The following USP15 variants were observed in gnomAD, a reference collection of about 807,000 sequenced individuals.
USP15 encodes ubiquitin specific peptidase 15, also known as ubiquitin carboxyl-terminal hydrolase 15.
Under a neutral mutation model 127.1 loss-of-function variants are expected in USP15, and 18 were observed. That is an observed-to-expected ratio of 0.14 (90% confidence interval 0.10 to 0.21). The LOEUF is 0.21. Among genes scored for constraint, USP15 ranks in the 10% least tolerant of loss-of-function variants. The pLI, the probability that USP15 is intolerant of heterozygous loss-of-function variation, is 1.00. For synonymous variants in USP15, 364 were observed against 393.7 expected (o/e 0.92, Z 0.89); for missense variants, 805 against 1,159.9 (o/e 0.69, Z 4.44).
intron 1 of USP15, among the ~76,000 whole-genome samples, chr12:62,272,698 G>C (rs1263873982): frequency 6.6e-6 from 1 of 151,930 alleles, no homozygotes; most frequent in Non-Finnish European, 1.5e-5. Context: ...CATTTGAACA[G>C]TGTCTTAAAA....
chr12:62,358,633 T>C (rs553704633), intron 8 of USP15, among the ~76,000 whole-genome samples: 17 of 152,166 alleles, frequency 1.1e-4, no homozygotes, highest in African/African-American at 3.9e-4. Context: ...GGAGAATCGC[T>C]TGAACCCGGG....
chr12:62,346,594 C>T (rs967289860), intron 6 of USP15, among the ~76,000 whole-genome samples: 2 of 152,182 alleles, frequency 1.3e-5, no homozygotes, highest in African/African-American at 4.8e-5. Context: ...CTTAACTCCA[C>T]CCCTTATTAA....
Position 62,279,118 on chromosome 12 carries a change from A to C in USP15, c.90-15061A>C, listed in dbSNP as rs2063577100. On this transcript the variant is annotated intron_variant, in intron 1 of 21. Transcript: ENST00000280377. ...ACAATAGACTTACTCATTTTGCATA[A>C]CTGAAACTTTATACCCACTGAATAT... The C allele has an allele frequency of 2.0e-5, 3 of 152,262 alleles. No homozygotes were observed. In the South Asian group the frequency reaches 6.2e-4, roughly 32 times the overall value. The allele number at this position is 152,262 out of a possible 1,614,324, so 9.4% of individuals were successfully genotyped here.
intron 1 of USP15, among the ~76,000 whole-genome samples, chr12:62,279,630 C>T (rs189607947): frequency 6.6e-6 from 1 of 152,140 alleles, no homozygotes; most frequent in Non-Finnish European, 1.5e-5. Context: ...CCAACAGTTA[C>T]CTTTTGTTTT....
intron 6 of USP15, chr12:62,336,489 AC>A: frequency 1.0e-6 from 1 of 985,190 alleles, no homozygotes; most frequent in Non-Finnish European, 1.2e-6. Context: ...TTCAAACAGT[AC>A]CCCTTTACAT....
intron 8 of USP15, among the ~76,000 whole-genome samples, chr12:62,362,609 C>A (rs528035934): frequency 6.6e-6 from 1 of 152,164 alleles, no homozygotes; most frequent in South Asian, 2.1e-4. Context: ...GATTATCAAG[C>A]TGGGTAATTT....
chr12:62,410,307 A>T lies in USP15; in HGVS notation c.*5932A>T, dbSNP rs891160247. On this transcript the variant is annotated 3_prime_UTR_variant, in exon 22 of 22. Coordinates refer to ENST00000280377, the MANE Select transcript of USP15 (RefSeq NM_001252078.2). ...TCTATTTGTAATCACATTGTGGTGA[A>T]TTATCAGTCTCCCAAGAATTATGTA... is the stretch of plus-strand genomic sequence containing the variant. The T allele has an allele frequency of 6.6e-6, 1 of 152,156 alleles. No homozygotes were observed. The highest frequency in any genetic ancestry group is 1.5e-5 in the Non-Finnish European group (1 of 68,016). 9.4% of individuals were successfully genotyped at this position (152,156 alleles called of 1,614,324 possible).
At position 62,300,481 on chromosome 12, in the gene USP15, C is replaced by T. The variant is rs558294124; in HGVS notation, c.218-2309C>T. Among the ~76,000 whole-genome samples the T allele has an allele frequency of 8.0e-4, 121 of 152,132 alleles. 1 individual carries two copies. Among genetic ancestry groups the T allele is most frequent in the African/African-American group, 2.8e-3 (117 of 41,520 alleles). On this transcript the variant is annotated intron_variant, in intron 2 of 21. Transcript: ENST00000280377. ...ACAACTTTGAATTTTAAAATAAAAT[C>T]ATAGAAGTTAACACTATTTGATTTC...
intron 5 of USP15, among the ~76,000 whole-genome samples, chr12:62,322,561 A>T (rs1051995023): frequency 2.0e-5 from 3 of 152,034 alleles, no homozygotes; most frequent in African/African-American, 7.2e-5. Context: ...CTTATCTTTC[A>T]TAGTCTCTTT....
intron 3 of USP15, among the ~76,000 whole-genome samples, chr12:62,307,452 T>G (rs909025770): frequency 1.3e-5 from 2 of 152,134 alleles, no homozygotes; most frequent in Non-Finnish European, 2.9e-5. Flanking sequence ...ACAGGAATAT[T>G]TAAAAGGCTA....
At chr12:62,318,868 A>G (rs2064906826) in intron 4 of USP15, among the ~76,000 whole-genome samples, 1 of 152,100 alleles carries the variant, frequency 6.6e-6, no homozygotes, top group Non-Finnish European at 1.5e-5. Context: ...CCTTCATGTA[A>G]TCTAGCAGCA....
Position 62,413,263 on chromosome 12 carries a change from ATTATAT to A in USP15, c.*8892_*8897del, listed in dbSNP as rs2068080130. The stretch of plus-strand genomic sequence containing the variant: ...ATGGTTCCTTTTATAGAGCAAAAAC[ATTATAT>A]TTAGTTTAATTTTAAGGACCCTAGG... On this transcript the variant is annotated 3_prime_UTR_variant, in exon 22 of 22. Transcript: ENST00000280377. 1.3e-5 allele frequency: 2 copies of A among 152,276 alleles called. No homozygotes were observed. The highest frequency in any genetic ancestry group is 1.9e-4 in the East Asian group (1 of 5,182). The allele number at this position is 152,276 out of a possible 1,614,324, so 9.4% of individuals were successfully genotyped here.
chr12:62,297,554 T>C (rs11174417), intron 2 of USP15, among the ~76,000 whole-genome samples: 46,991 of 151,972 alleles, frequency 0.31, 7,528 homozygotes, highest in African/African-American at 0.38. Context: ...AGATTATGGG[T>C]TTCTGAAAAA....
intron 3 of USP15, among the ~76,000 whole-genome samples, chr12:62,304,370 A>G (rs778044698): frequency 4.6e-5 from 7 of 152,232 alleles, no homozygotes; most frequent in Non-Finnish European, 5.9e-5. Flanking sequence ...GCTATATTAC[A>G]TTGCGTGGAG....
chr12:62,295,896 A>G (rs1270577235), intron 2 of USP15, among the ~76,000 whole-genome samples: 1 of 152,210 alleles, frequency 6.6e-6, no homozygotes, highest in Non-Finnish European at 1.5e-5. Context: ...AAACCTGTAA[A>G]TAGGATGAAG....
chr12:62,335,586 A>G (rs2137351670), intron 6 of USP15: 2 of 1,013,588 alleles, frequency 2.0e-6, no homozygotes, highest in South Asian at 4.6e-5. Context: ...CACATATGGT[A>G]AACACCAGTT....
chr12:62,364,513 T>C (rs1230295666), intron 8 of USP15, among the ~76,000 whole-genome samples: 1 of 152,164 alleles, frequency 6.6e-6, no homozygotes, highest in African/African-American at 2.4e-5. Flanking sequence ...TTTTCTTGTT[T>C]GTATTTATTT....
chr12:62,285,777 T>G (rs1017471008), intron 1 of USP15, among the ~76,000 whole-genome samples: 1 of 152,212 alleles, frequency 6.6e-6, no homozygotes, highest in African/African-American at 2.4e-5. Flanking sequence ...GATAGAATGA[T>G]TTCATTTCCT....
chr12:62,342,320 A>C (rs544032636), intron 6 of USP15, among the ~76,000 whole-genome samples: 1 of 152,000 alleles, frequency 6.6e-6, no homozygotes, highest in Non-Finnish European at 1.5e-5. Context: ...GTAACCTTTT[A>C]TCAAGGTTCT....
Sources: gnomAD v4.1 joint callset for allele counts (sites outside exome capture counted in the v4.1 genomes callset) on GRCh38, gnomAD v4.1.1 for gene constraint, MANE v1.5 for transcripts, NCBI Gene and HGNC (gene_info 2026-07-23, HGNC 2026-07-21) for gene names.